The following NRG3 variants were observed in gnomAD, a reference collection of about 807,000 sequenced individuals.
NRG3 encodes the protein pro-neuregulin-3, membrane-bound isoform.
NRG3 carries 31 observed loss-of-function variants against 66.9 expected under a neutral mutation model. That is an observed-to-expected ratio of 0.46 (90% confidence interval 0.35 to 0.63). The LOEUF (loss-of-function observed/expected upper bound fraction) is 0.63. Among genes scored for constraint, NRG3 ranks in the 20% least tolerant of loss-of-function variants. NRG3 has a pLI of 0.00. For synonymous variants in NRG3, 393 were observed against 359.4 expected, an observed-to-expected ratio of 1.09 and a Z score of -1.06; for missense variants, 910 against 878.9, an observed-to-expected ratio of 1.04 and a Z score of -0.45.
chr10:82,355,747 C>T (rs1389042078), intron 1 of NRG3, among the ~76,000 whole-genome samples: 3 of 152,172 alleles, frequency 2.0e-5, no homozygotes, highest in Admixed American at 6.5e-5. Flanking sequence ...ATGAATTACA[C>T]TTACCTTAGC....
intron 3 of NRG3, among the ~76,000 whole-genome samples, chr10:82,810,183 T>C (rs978523722): frequency 1.3e-5 from 2 of 152,204 alleles, no homozygotes; most frequent in African/African-American, 4.8e-5. Context: ...CAGCCCATCC[T>C]AATTCTTTGT....
At chr10:82,779,141 G>C (rs2060021157) in intron 3 of NRG3, among the ~76,000 whole-genome samples, 1 of 152,082 alleles carries the variant, frequency 6.6e-6, no homozygotes, top group Non-Finnish European at 1.5e-5. Context: ...TGCAATGTGA[G>C]ATCTTTTAGA....
chr10:81,893,539 T>C (rs1354978276), intron 1 of NRG3, among the ~76,000 whole-genome samples: 1 of 152,198 alleles, frequency 6.6e-6, no homozygotes, highest in Non-Finnish European at 1.5e-5. Flanking sequence ...TTCATATACT[T>C]GTTGATTAGT....
At chr10:82,839,366 ACTT>A (rs2062942183) in intron 3 of NRG3, among the ~76,000 whole-genome samples, 1 of 152,202 alleles carries the variant, frequency 6.6e-6, no homozygotes, top group Admixed American at 6.5e-5. Context: ...ATTATGTTGA[ACTT>A]CTACTACAAT....
At chr10:82,974,535 C>G (rs1015140239) in intron 7 of NRG3, among the ~76,000 whole-genome samples, 3 of 152,152 alleles carry the variant, frequency 2.0e-5, no homozygotes, top group African/African-American at 7.2e-5. Context: ...GATTCTGAAA[C>G]TCCAAATATT....
chr10:82,267,271 G>T (rs1206743718), intron 1 of NRG3, among the ~76,000 whole-genome samples: 2 of 152,058 alleles, frequency 1.3e-5, no homozygotes, highest in East Asian at 3.9e-4. Context: ...ACACAAAACT[G>T]TCCTGCTGTG....
chr10:82,024,145 G>T lies in NRG3; in HGVS notation c.823+147982G>T, dbSNP rs988725875. Among the ~76,000 whole-genome samples the T allele has an allele frequency of 2.0e-5, 3 of 151,668 alleles. No homozygotes were observed. The South Asian group carries it at 6.2e-4, about 32-fold the overall frequency. On this transcript the variant is annotated intron_variant, in intron 1 of 8. Coordinates refer to ENST00000372141, the MANE Select transcript of NRG3 (RefSeq NM_001010848.4). ...TTTTTCAATTTGTTGGCTTATGGTT[G>T]TTCAGAATATCCTCTAGTGAGTCTC...
intron 1 of NRG3, among the ~76,000 whole-genome samples, chr10:82,354,313 A>T (rs894091042): frequency 1.3e-5 from 2 of 151,982 alleles, no homozygotes; most frequent in African/African-American, 4.8e-5. Context: ...GTTCTGAGAT[A>T]CAGGTGTGAG....
chr10:82,049,688 G>A (rs2063496664), intron 1 of NRG3, among the ~76,000 whole-genome samples: 1 of 151,892 alleles, frequency 6.6e-6, no homozygotes, highest in African/African-American at 2.4e-5. Context: ...CAAAAGAGAG[G>A]GTCTATGGAG....
chr10:82,897,272 T>C (rs1425747831), intron 4 of NRG3, among the ~76,000 whole-genome samples: 1 of 152,220 alleles, frequency 6.6e-6, no homozygotes, highest in African/African-American at 2.4e-5. Context: ...TCCTAAACCA[T>C]AATCTAATGC....
intron 3 of NRG3, among the ~76,000 whole-genome samples, chr10:82,745,746 G>T (rs918392926): frequency 5.3e-5 from 8 of 152,004 alleles, no homozygotes; most frequent in African/African-American, 1.7e-4. Context: ...ATGATTTCTA[G>T]ATACTAGGAA....
At chr10:82,189,085 A>AT (rs1028163114) in intron 1 of NRG3, among the ~76,000 whole-genome samples, 16 of 152,268 alleles carry the variant, frequency 1.1e-4, no homozygotes, top group Admixed American at 1.0e-3. Flanking sequence ...AAACGGTTTA[A>AT]TTTTATATAA....
At chr10:82,957,361 A>C (rs1850149966) in intron 5 of NRG3, among the ~76,000 whole-genome samples, 1 of 151,976 alleles carries the variant, frequency 6.6e-6, no homozygotes, top group South Asian at 2.1e-4. Context: ...GGTGCTACTG[A>C]CTGGAGAAGC....
chr10:82,596,149 C>G (rs963812997), intron 2 of NRG3, among the ~76,000 whole-genome samples: 1 of 152,134 alleles, frequency 6.6e-6, no homozygotes, highest in African/African-American at 2.4e-5. Context: ...GCAAAAGGAG[C>G]CTTTTGCTAA....
At chr10:82,689,081 A>G (rs1029212395) in intron 2 of NRG3, among the ~76,000 whole-genome samples, 14 of 152,104 alleles carry the variant, frequency 9.2e-5, no homozygotes, top group Admixed American at 8.5e-4. Context: ...AAAGTGCTTT[A>G]TTTTTCAAAG....
rs541156480 is a variant in NRG3 at position 82,222,856 on chromosome 10, T to G, written c.824-135883T>G. Among the ~76,000 whole-genome samples, 26 of 152,360 alleles carry G rather than the reference T, an allele frequency of 1.7e-4. No homozygotes were observed. The South Asian group carries it at 5.4e-3, about 32-fold the overall frequency. On this transcript the variant is annotated intron_variant, in intron 1 of 8. Transcript: ENST00000372141. The stretch of plus-strand genomic sequence containing the variant: ...TGATTTTCCGTGGTAATTTTCTGTA[T>G]GTCACATATACTTTTTACATCCTAA...
intron 3 of NRG3, among the ~76,000 whole-genome samples, chr10:82,744,293 T>C (rs2058552099): frequency 6.6e-6 from 1 of 152,320 alleles, no homozygotes; most frequent in South Asian, 2.1e-4. Context: ...ATTAACTGGG[T>C]GGCTTATAAA....
At chr10:82,135,698 A>G (rs928925734) in intron 1 of NRG3, among the ~76,000 whole-genome samples, 1 of 152,020 alleles carries the variant, frequency 6.6e-6, no homozygotes, top group Non-Finnish European at 1.5e-5. Context: ...AATGATTTCA[A>G]TCTTTTCGTT....
intron 1 of NRG3, among the ~76,000 whole-genome samples, chr10:82,066,500 C>T (rs2064477846): frequency 6.6e-6 from 1 of 152,132 alleles, no homozygotes; most frequent in African/African-American, 2.4e-5. Context: ...AAGGCAGAGG[C>T]AAGGGACCCT....
Sources: gnomAD v4.1 joint callset for allele counts (sites outside exome capture counted in the v4.1 genomes callset) on GRCh38, gnomAD v4.1.1 for gene constraint, MANE v1.5 for transcripts, NCBI Gene and HGNC (gene_info 2026-07-23, HGNC 2026-07-21) for gene names.